The following DENND4C variants were observed in gnomAD, a reference collection of about 807,000 sequenced individuals.
The protein encoded by DENND4C is DENN domain-containing protein 4C.
Under a neutral mutation model 203.0 loss-of-function variants are expected in DENND4C, and 108 were observed. The observed-to-expected ratio is 0.53, with a 90% CI of 0.46 to 0.62. The LOEUF is 0.62. Among genes scored for constraint, DENND4C ranks in the 20% least tolerant of loss-of-function variants. The pLI is 0.00. For missense variants in DENND4C, 2,481 were observed against 2,301.2 expected, an observed-to-expected ratio of 1.08 and a Z score of -1.60; for synonymous variants, 871 against 792.4, an observed-to-expected ratio of 1.10 and a Z score of -1.67.
intron 10 of DENND4C, among the ~76,000 whole-genome samples, chr9:19,314,230 G>A (rs766379691): frequency 2.0e-5 from 3 of 152,084 alleles, no homozygotes; most frequent in East Asian, 3.9e-4. Context: ...TGATGCAGGC[G>A]GATCACGAGG....
At chr9:19,339,354 C>G (rs1821123784) in intron 20 of DENND4C, among the ~76,000 whole-genome samples, 1 of 152,186 alleles carries the variant, frequency 6.6e-6, no homozygotes, top group Non-Finnish European at 1.5e-5. Flanking sequence ...CTTCCTTAAC[C>G]TGGCATAGTT....
At chr9:19,356,810 A>AGAGAGAGAGAGAGAGAGAGTGAGAGT (rs1447525810) in intron 26 of DENND4C, among the ~76,000 whole-genome samples, 162 bp from the exon 27 acceptor site, 1 of 146,600 alleles carries the variant, frequency 6.8e-6, no homozygotes, top group Admixed American at 6.7e-5. Flanking sequence ...AGAGAGAGAG[A>AGAGAGAGAGAGAGAGAGAGTGAGAGT]GAGAGAGTGA....
chr9:19,261,283 C>T (rs1324538505), intron 1 of DENND4C, among the ~76,000 whole-genome samples: 1 of 151,752 alleles, frequency 6.6e-6, no homozygotes, highest in East Asian at 1.9e-4. Context: ...AATTTGAAGT[C>T]AGATAATGTG....
At chr9:19,297,577 C>T (rs544377175) in intron 6 of DENND4C, among the ~76,000 whole-genome samples, 73 of 152,076 alleles carry the variant, frequency 4.8e-4, no homozygotes, top group African/African-American at 1.7e-3. Flanking sequence ...TAATATGTTG[C>T]GTTTTTATGG....
At chr9:19,311,619 C>G (rs1237296937) in intron 10 of DENND4C, among the ~76,000 whole-genome samples, 2 of 152,086 alleles carry the variant, frequency 1.3e-5, no homozygotes, top group Non-Finnish European at 2.9e-5. Context: ...ACTATGAAGA[C>G]TTTTCACGGA....
intron 1 of DENND4C, among the ~76,000 whole-genome samples, chr9:19,258,875 G>T (rs1195867243): frequency 6.6e-6 from 1 of 151,972 alleles, no homozygotes; most frequent in East Asian, 1.9e-4. Flanking sequence ...GGCTGGTCTT[G>T]AACTCCTGAC....
chr9:19,271,794 G>A (rs1831728306), intron 1 of DENND4C, among the ~76,000 whole-genome samples: 1 of 151,752 alleles, frequency 6.6e-6, no homozygotes, highest in African/African-American at 2.4e-5. Context: ...GAACCTGGGA[G>A]GCGAACGAAG....
intron 16 of DENND4C, among the ~76,000 whole-genome samples, chr9:19,329,250 C>T (rs978134922): frequency 2.6e-5 from 4 of 152,218 alleles, no homozygotes; most frequent in African/African-American, 9.6e-5. Context: ...CCTAGGCAAC[C>T]ACAAGTCTGT....
chr9:19,332,007 G>A lies in DENND4C; in HGVS notation c.2283G>A (p.Lys761=), dbSNP rs1245277382. 6.2e-7 allele frequency: 1 copy of A among 1,613,780 alleles called. No individual in the cohort carries two copies. Among genetic ancestry groups the A allele is most frequent in the Non-Finnish European group, 8.5e-7 (1 of 1,179,970 alleles). ...QEIKTAHKLA[K]RCYTNPPQWA... is the part of the protein sequence containing the mutation. Reference sequence around the variant, plus strand: ...TAAAAACAGCTCATAAATTGGCGAAGAGATGTTATACAAATCCACCACAGT... The same window carrying A: ...TAAAAACAGCTCATAAATTGGCGAAAAGATGTTATACAAATCCACCACAGT... Residue 761 remains lysine (K), a synonymous_variant, in exon 17 of 33, where the codon AAG becomes AAA. Coordinates refer to ENST00000434457, the MANE Select transcript of DENND4C (RefSeq NM_001330640.2).
intron 12 of DENND4C, among the ~76,000 whole-genome samples, chr9:19,320,345 C>T (rs377203604): frequency 2.4e-4 from 37 of 151,822 alleles, no homozygotes; most frequent in African/African-American, 7.7e-4. Context: ...ATTACAGGCG[C>T]GCACCACCAT....
Position 19,346,122 on chromosome 9 carries a change from TG to T in DENND4C, c.3355del (p.Ala1119LeufsTer3), listed in dbSNP as rs1822832984. 2 of 1,614,176 alleles carry T rather than the reference TG, an allele frequency of 1.2e-6. No homozygotes were observed. Among genetic ancestry groups the T allele is most frequent in the Non-Finnish European group, 1.7e-6 (2 of 1,180,028 alleles). ...KSSLDSNSSE[M>X]AIMMGADAKI... ...AGTTTGGATTCGAATTCAAGTGAAA[TG>T]GCTATCATGATGGGAGCAGATGCCA... On this transcript the variant is annotated frameshift_variant, in exon 23 of 33. Transcript: ENST00000434457. LOFTEE classifies it high-confidence loss of function.
intron 20 of DENND4C, among the ~76,000 whole-genome samples, chr9:19,340,508 A>C (rs1821361150): frequency 6.6e-6 from 1 of 152,150 alleles, no homozygotes; most frequent in African/African-American, 2.4e-5. Context: ...TTCTATCTCC[A>C]AAGATAAAAG....
At chr9:19,245,569 G>C (rs1232073908) in intron 1 of DENND4C, among the ~76,000 whole-genome samples, 1 of 137,626 alleles carries the variant, frequency 7.3e-6, no homozygotes, top group Non-Finnish European at 1.6e-5. Flanking sequence ...AAAATTGTAA[G>C]CATTGGGCCG....
chr9:19,364,650 T>G (rs370426330), intron 30 of DENND4C, among the ~76,000 whole-genome samples: 1 of 152,178 alleles, frequency 6.6e-6, no homozygotes, highest in South Asian at 2.1e-4. Context: ...CCCAGCATTC[T>G]GGGAGGCCAA....
At chr9:19,304,288 G>A (rs1388030124) in intron 9 of DENND4C, among the ~76,000 whole-genome samples, 17 of 150,034 alleles carry the variant, frequency 1.1e-4, no homozygotes, top group African/African-American at 1.5e-4. Flanking sequence ...GGGTTCAAGC[G>A]ATTCTCCTGC....
intron 22 of DENND4C, 49 bp downstream of exon 22, chr9:19,342,828 G>C: frequency 7.0e-7 from 1 of 1,422,722 alleles, no homozygotes; most frequent in Non-Finnish European, 9.3e-7. Flanking sequence ...TACTTTTATA[G>C]ACTCATATGT....
rs951372918 is a variant in DENND4C at position 19,241,416 on chromosome 9, T to A, written c.-18+10583T>A. On this transcript the variant is annotated intron_variant, in intron 1 of 32. Transcript: ENST00000434457. ...TTTTTAGAGATAGAGTCTCGCTATG[T>A]TGCTTAGGCTGGCCTCCAACTCCTG... Among the ~76,000 whole-genome samples the A allele has an allele frequency of 4.6e-5, 7 of 152,152 alleles. 1 individual carries two copies. Among genetic ancestry groups the A allele is most frequent in the Admixed American group, 4.6e-4 (7 of 15,266 alleles).
chr9:19,343,911 T>C (rs1057176494), intron 22 of DENND4C, among the ~76,000 whole-genome samples: 2 of 152,262 alleles, frequency 1.3e-5, no homozygotes. Flanking sequence ...GTTAAATTCC[T>C]TGGAAATACT....
intron 1 of DENND4C, among the ~76,000 whole-genome samples, chr9:19,267,035 C>G (rs78031371): frequency 0.016 from 2,486 of 152,048 alleles, 44 homozygotes; most frequent in Non-Finnish European, 0.019. Flanking sequence ...CTAATAGATG[C>G]TCTGTTCTTG....
Sources: allele counts gnomAD v4.1 joint callset (sites outside exome capture counted in the v4.1 genomes callset), GRCh38; gene constraint gnomAD v4.1.1; transcripts MANE v1.5; gene names NCBI Gene and HGNC (gene_info 2026-07-23, HGNC 2026-07-21).